ZNF728: variants seen among roughly 807,000 people sequenced by gnomAD.
The protein encoded by ZNF728 is zinc finger protein 728.
Under a neutral mutation model 12.5 loss-of-function variants are expected in ZNF728, and 12 were observed. The observed-to-expected ratio is 0.96, with a 90% CI of 0.61 to 1.55. The LOEUF is 1.55. ZNF728 is among the 40% of genes most tolerant of loss of function. ZNF728 has a pLI of 0.00. For synonymous variants in ZNF728, 205 were observed against 240.7 expected (o/e 0.85, Z 1.37); for missense variants, 692 against 719.2 (o/e 0.96, Z 0.43).
In ZNF728 at chr19:23,003,062, T is replaced by C. The variant is rs747196524; in HGVS notation, c.-32A>G. 5.7e-6 allele frequency: 9 copies of C among 1,575,612 alleles called. No homozygotes were observed. In the East Asian group the frequency reaches 1.2e-4, roughly 20 times the overall value. ...GCTTCCGGGGGTCCTGGCGACTTAG[T>C]TGTGAATCTCCCAATACCTGCAGGT... On this transcript the variant is annotated 5_prime_UTR_variant, in exon 1 of 4. Coordinates refer to ENST00000594710, the MANE Select transcript of ZNF728 (RefSeq NM_001267716.2).
intron 1 of ZNF728, among the ~76,000 whole-genome samples, chr19:22,992,918 T>C (rs1315421637): frequency 6.6e-6 from 1 of 152,124 alleles, no homozygotes; most frequent in Non-Finnish European, 1.5e-5. Context: ...TGATTCTAAA[T>C]AAAAAATGGA....
At position 23,003,070 on chromosome 19, in the gene ZNF728, C is replaced by T. The variant is rs777030720; in HGVS notation, c.-40G>A. ...GGGTCCTGGCGACTTAGTTGTGAAT[C>T]TCCCAATACCTGCAGGTCACAGGGC... On this transcript the variant is annotated 5_prime_UTR_variant, in exon 1 of 4. Coordinates refer to ENST00000594710, the MANE Select transcript of ZNF728 (RefSeq NM_001267716.2). 9 of 1,569,132 alleles carry T rather than the reference C, an allele frequency of 5.7e-6. No homozygotes were observed. The South Asian group carries it at 1.1e-4, about 19-fold the overall frequency.
rs1968815236 is a variant in ZNF728 at position 22,977,099 on chromosome 19, G to A, written c.238C>T (p.His80Tyr). The A allele has an allele frequency of 1.9e-6, 3 of 1,571,488 alleles. No homozygotes were observed. The highest frequency in any genetic ancestry group is 1.7e-4 in the Middle Eastern group (1 of 5,812). Residue 80 changes from histidine to tyrosine, a missense_variant, in exon 4 of 4, where the codon CAT becomes TAT. Coordinates refer to ENST00000594710, the MANE Select transcript of ZNF728 (RefSeq NM_001267716.2). ...TCTGGCCAAAGGTCTTGAGCAAAATGAGAACATATAACTGAAAAGAAATAA... is the reference window on the plus strand; with the variant it reads ...TCTGGCCAAAGGTCTTGAGCAAAATAAGAACATATAACTGAAAAGAAATAA... Reference protein sequence around the residue: ...LVKEPPVICSHFAQDLWPEQG... With the variant: ...LVKEPPVICSYFAQDLWPEQG...
Position 22,975,390 on chromosome 19 carries a change from T to C in ZNF728, c.*78A>G. The C allele has an allele frequency of 7.2e-7, 1 of 1,385,478 alleles. No individual in the cohort carries two copies. Among genetic ancestry groups the C allele is most frequent in the South Asian group, 1.4e-5 (1 of 72,540 alleles). The allele number at this position is 1,385,478 out of a possible 1,614,324, so 85.8% of individuals were successfully genotyped here. On this transcript the variant is annotated 3_prime_UTR_variant, in exon 4 of 4. Coordinates refer to ENST00000594710, the MANE Select transcript of ZNF728 (RefSeq NM_001267716.2). ...AAAAAATTTGCCACATTCTTCACAT[T>C]TGTAGGGTTTCCCTCCTGTATAAAT...
intron 1 of ZNF728, among the ~76,000 whole-genome samples, 168 bp downstream of exon 1, chr19:23,002,860 G>GC (rs1309320651): frequency 6.6e-6 from 1 of 152,196 alleles, no homozygotes; most frequent in Non-Finnish European, 1.5e-5. Flanking sequence ...TGTCAGCGCA[G>GC]CCGCCATCTT....
At chr19:22,987,650 T>C (rs975424657) in intron 2 of ZNF728, among the ~76,000 whole-genome samples, 8 of 152,194 alleles carry the variant, frequency 5.3e-5, no homozygotes, top group South Asian at 2.1e-4. Flanking sequence ...AGCACCAGTA[T>C]TTATGCCAGT....
intron 1 of ZNF728, among the ~76,000 whole-genome samples, chr19:22,990,830 G>A (rs1055492052): frequency 2.0e-5 from 3 of 152,140 alleles, no homozygotes; most frequent in African/African-American, 4.8e-5. Flanking sequence ...ACTATTTAGC[G>A]GCCTGGGCTG....
At chr19:22,997,218 C>T (rs1037056784) in intron 1 of ZNF728, among the ~76,000 whole-genome samples, 1 of 152,176 alleles carries the variant, frequency 6.6e-6, no homozygotes, top group African/African-American at 2.4e-5. Context: ...CTCATCACCA[C>T]GTGGCACATA....
chr19:22,996,144 A>C (rs919777753), intron 1 of ZNF728, among the ~76,000 whole-genome samples: 1 of 152,214 alleles, frequency 6.6e-6, no homozygotes, highest in African/African-American at 2.4e-5. Flanking sequence ...TGTACTAGTC[A>C]TAAGGTATGT....
intron 3 of ZNF728, among the ~76,000 whole-genome samples, chr19:22,986,199 T>G (rs2078827526): frequency 6.6e-6 from 1 of 152,036 alleles, no homozygotes; most frequent in African/African-American, 2.4e-5. Context: ...GCCTTCAAAT[T>G]GAGACACCAA....
chr19:22,992,252 C>CT (rs369837179), intron 1 of ZNF728, among the ~76,000 whole-genome samples: 9 of 151,434 alleles, frequency 5.9e-5, no homozygotes, highest in African/African-American at 1.9e-4. Context: ...TTTCTTTTTC[C>CT]TTTTTTTTGA....
In ZNF728 at chr19:22,975,641, A is replaced by C. The variant is rs1217319103; in HGVS notation, c.1696T>G (p.Cys566Gly). 3.7e-6 allele frequency: 6 copies of C among 1,612,012 alleles called. No individual in the cohort carries two copies. The highest frequency in any genetic ancestry group is 5.1e-6 in the Non-Finnish European group (6 of 1,179,852). ...RIHTGEKPYK[C>G]EECGKAFSWV... ...CTAAAGGCTTTGCCACATTCTTCAC[A>C]TTTGTAGGGTTTCTCTCCAGTATGA... Residue 566 changes from cysteine (C) to glycine (G), a missense_variant, in exon 4 of 4, where the codon TGT becomes GGT. This residue lies in a region of ZNF728 where 244 missense variants were observed against 235.2 expected (regional missense o/e 1.04). Coordinates refer to ENST00000594710, the MANE Select transcript of ZNF728 (RefSeq NM_001267716.2).
chr19:22,975,406 C>T lies in ZNF728; in HGVS notation c.*62G>A. 1 of 1,439,634 alleles carries T rather than the reference C, an allele frequency of 6.9e-7. No individual in the cohort carries two copies. Among genetic ancestry groups the T allele is most frequent in the Non-Finnish European group, 9.3e-7 (1 of 1,070,398 alleles). 89.2% of individuals were successfully genotyped at this position (1,439,634 alleles called of 1,614,324 possible). On this transcript the variant is annotated 3_prime_UTR_variant, in exon 4 of 4. Coordinates refer to ENST00000594710, the MANE Select transcript of ZNF728 (RefSeq NM_001267716.2). ...TCTTCACATTTGTAGGGTTTCCCTC[C>T]TGTATAAATACCCTTATGTTCAGTA...
intron 1 of ZNF728, among the ~76,000 whole-genome samples, chr19:22,994,062 C>T (rs1969022487): frequency 6.6e-6 from 1 of 152,118 alleles, no homozygotes; most frequent in South Asian, 2.1e-4. Context: ...CTGCTCAATG[C>T]ACATATTTTA....
At chr19:23,000,704 C>T (rs1228336088) in intron 1 of ZNF728, among the ~76,000 whole-genome samples, 1 of 151,508 alleles carries the variant, frequency 6.6e-6, no homozygotes, top group Non-Finnish European at 1.5e-5. Context: ...CCCATCTCTA[C>T]TAAAAATACA....
Position 22,975,961 on chromosome 19 carries a change from T to A in ZNF728, c.1376A>T (p.Lys459Ile). The change falls in exon 4 of 4, where the codon AAA becomes ATA. Residue 459 changes from lysine to isoleucine, a missense_variant. By Grantham distance (102) the Lys-to-Ile change is moderately radical. This residue lies in a region of ZNF728 where 244 missense variants were observed against 235.2 expected (regional missense o/e 1.04). Transcript: ENST00000594710. Reference sequence around the variant, plus strand: ...AAGGCTTGAGGACCAGCTGAAGACTTTGCCACATTCTTCACATTTGTAGTG... The same window carrying A: ...AAGGCTTGAGGACCAGCTGAAGACTATGCCACATTCTTCACATTTGTAGTG... Reference protein sequence around the residue: ...EKHYKCEECGKVFSWSSSLTT... With the variant: ...EKHYKCEECGIVFSWSSSLTT... 6.2e-7 allele frequency: 1 copy of A among 1,613,054 alleles called. No individual in the cohort carries two copies. Among genetic ancestry groups the A allele is most frequent in the Non-Finnish European group, 8.5e-7 (1 of 1,179,884 alleles).
chr19:22,995,584 C>T (rs555452541), intron 1 of ZNF728, among the ~76,000 whole-genome samples: 4 of 152,076 alleles, frequency 2.6e-5, no homozygotes, highest in South Asian at 2.1e-4. Flanking sequence ...ACTATAGGCA[C>T]GCGCCACCAC....
chr19:22,986,021 A>G (rs951900358), intron 3 of ZNF728, among the ~76,000 whole-genome samples: 3 of 152,144 alleles, frequency 2.0e-5, no homozygotes, highest in African/African-American at 7.2e-5. Context: ...AATTACAACT[A>G]CCCAAGCCCC....
rs768957524 is a variant in ZNF728, at chr19:22,976,913, T to C, written c.424A>G (p.Ser142Gly). Residue 142 changes from serine to glycine, a missense_variant, in exon 4 of 4, where the codon AGC becomes GGC. Ser to Gly is a moderately conservative substitution (Grantham distance 56, BLOSUM62 0). This residue lies in a region of ZNF728 where 440 missense variants were observed against 459.6 expected (regional missense o/e 0.96). Transcript: ENST00000594710. Reference sequence around the variant, plus strand: ...TATTTGCCACATTGAAATACTTTGCTTTGTGTAGTTGTCAAACTCTGGTTA... The same window carrying C: ...TATTTGCCACATTGAAATACTTTGCCTTGTGTAGTTGTCAAACTCTGGTTA... ...KLNQSLTTTQ[S>G]KVFQCGKYAN... 54 of 1,613,434 alleles carry C rather than the reference T, an allele frequency of 3.3e-5. No individual in the cohort carries two copies. The highest frequency in any genetic ancestry group is 4.4e-5 in the Non-Finnish European group (52 of 1,179,752).
Sources: gnomAD v4.1 joint callset for allele counts (sites outside exome capture counted in the v4.1 genomes callset) on GRCh38, gnomAD v4.1.1 for gene constraint, gnomAD v4.1.1 regional missense constraint, MANE v1.5 for transcripts, NCBI Gene and HGNC (gene_info 2026-07-23, HGNC 2026-07-21) for gene names.